Variants in PEX5L observed in about 807,000 individuals in gnomAD.
The protein encoded by PEX5L is peroxisomal biogenesis factor 5 like, also known as PEX5-related protein.
A neutral mutation model predicts 84.0 loss-of-function variants in PEX5L; 30 were observed. The ratio of observed to expected loss-of-function variants is 0.36; its 90% CI spans 0.27 to 0.48. PEX5L has a LOEUF of 0.48. PEX5L is among the 20% of genes least tolerant of loss of function. The probability of loss-of-function intolerance (pLI) is 0.99; values close to 1 mark genes in which losing one functional copy is unlikely to be tolerated. For synonymous variants in PEX5L, 270 were observed against 283.1 expected (o/e 0.95, Z 0.46); for missense variants, 533 against 754.6 (o/e 0.71, Z 3.44).
At chr3:179,877,839 ATAGTAGAGATAG>A (rs1752927559) in intron 5 of PEX5L, among the ~76,000 whole-genome samples, 1 of 152,194 alleles carries the variant, frequency 6.6e-6, no homozygotes, top group African/African-American at 2.4e-5. Context: ...TAGTGAGGAA[ATAGTAGAGATAG>A]TTATAAAATT....
intron 2 of PEX5L, among the ~76,000 whole-genome samples, chr3:179,936,194 T>C (rs1174322436): frequency 6.6e-6 from 1 of 152,078 alleles, no homozygotes; most frequent in African/African-American, 2.4e-5. Flanking sequence ...AGTGGTGGAG[T>C]TGAGCCAAAT....
At chr3:179,927,734 C>T (rs1771867344) in intron 2 of PEX5L, among the ~76,000 whole-genome samples, 1 of 151,818 alleles carries the variant, frequency 6.6e-6, no homozygotes, top group Non-Finnish European at 1.5e-5. Flanking sequence ...CAAAACCTGC[C>T]CTTCACCATC....
At chr3:179,828,022 T>A (rs1412672899) in intron 8 of PEX5L, among the ~76,000 whole-genome samples, 1 of 152,150 alleles carries the variant, frequency 6.6e-6, no homozygotes, top group Non-Finnish European at 1.5e-5. Flanking sequence ...TGACCAAATT[T>A]TTCATTCCCA....
chr3:179,957,340 T>C (rs1461905888), intron 2 of PEX5L, among the ~76,000 whole-genome samples: 1 of 152,070 alleles, frequency 6.6e-6, no homozygotes. Context: ...TAGTCTAGCA[T>C]TAACAGGTAA....
chr3:179,944,791 G>T (rs1042792011), intron 2 of PEX5L, among the ~76,000 whole-genome samples: 1 of 152,166 alleles, frequency 6.6e-6, no homozygotes, highest in South Asian at 2.1e-4. Flanking sequence ...TACATTGAAG[G>T]GTTTCCCCAT....
chr3:179,959,279 T>C (rs1239642686), intron 2 of PEX5L, among the ~76,000 whole-genome samples: 1 of 152,084 alleles, frequency 6.6e-6, no homozygotes, highest in Non-Finnish European at 1.5e-5. Context: ...CCTTGTAACT[T>C]TTTCTGGACT....
intron 2 of PEX5L, among the ~76,000 whole-genome samples, chr3:179,904,550 T>A (rs2109077242): frequency 6.6e-6 from 1 of 152,312 alleles, no homozygotes; most frequent in Non-Finnish European, 1.5e-5. Context: ...AGATTATGAC[T>A]TTCATGGGCC....
At chr3:179,929,852 T>C (rs1772533810) in intron 2 of PEX5L, among the ~76,000 whole-genome samples, 1 of 152,230 alleles carries the variant, frequency 6.6e-6, no homozygotes, top group African/African-American at 2.4e-5. Context: ...TGCGTAGACC[T>C]ATCTTGCTCT....
rs535616913 is a variant in PEX5L at position 179,795,656 on chromosome 3, AT to A, written c.*6171del. ...ACGCAATGTAAACATTTAAACTTAAATTTTTTTCTTGTTATCTATTTCAGCC... is the reference window on the plus strand; with the variant it reads ...ACGCAATGTAAACATTTAAACTTAAATTTTTTCTTGTTATCTATTTCAGCC... On this transcript the variant is annotated 3_prime_UTR_variant, in exon 15 of 15. Coordinates refer to ENST00000467460, the MANE Select transcript of PEX5L (RefSeq NM_016559.3). 1 of 152,064 alleles carries A rather than the reference AT, an allele frequency of 6.6e-6. No individual in the cohort carries two copies. The highest frequency in any genetic ancestry group is 1.5e-5 in the Non-Finnish European group (1 of 68,010). 9.4% of individuals were successfully genotyped at this position (152,064 alleles called of 1,614,324 possible).
chr3:179,826,590 C>T (rs2109045585), intron 8 of PEX5L, among the ~76,000 whole-genome samples: 1 of 152,132 alleles, frequency 6.6e-6, no homozygotes, highest in South Asian at 2.1e-4. Context: ...TTACCATGGG[C>T]ATGAGGAGAT....
At chr3:179,898,579 C>T (rs766990198) in intron 2 of PEX5L, among the ~76,000 whole-genome samples, 7 of 152,014 alleles carry the variant, frequency 4.6e-5, no homozygotes, top group African/African-American at 7.3e-5. Context: ...TTGCCTGCTA[C>T]GTTCATTTAT....
chr3:179,853,599 G>T (rs907980272), intron 8 of PEX5L, among the ~76,000 whole-genome samples: 1 of 152,180 alleles, frequency 6.6e-6, no homozygotes, highest in African/African-American at 2.4e-5. Flanking sequence ...CATTTAGGCT[G>T]CTGGCTATAA....
intron 2 of PEX5L, among the ~76,000 whole-genome samples, chr3:179,949,060 C>T (rs971412940): frequency 3.9e-5 from 6 of 152,180 alleles, no homozygotes; most frequent in East Asian, 3.9e-4. Context: ...AACATGTGGC[C>T]GTATTTGTAG....
chr3:179,847,844 T>A (rs1740193638), intron 8 of PEX5L, among the ~76,000 whole-genome samples: 1 of 152,048 alleles, frequency 6.6e-6, no homozygotes, highest in Admixed American at 6.6e-5. Flanking sequence ...TGGGACTATC[T>A]GTATCACCAT....
chr3:180,006,679 T>C (rs1331167014), intron 1 of PEX5L, among the ~76,000 whole-genome samples: 3 of 152,162 alleles, frequency 2.0e-5, no homozygotes, highest in Non-Finnish European at 4.4e-5. Flanking sequence ...CTCAAAATCA[T>C]GGCAGGAGGT....
At chr3:179,973,121 T>C in intron 1 of PEX5L, 1 of 1,203,704 alleles carries the variant, frequency 8.3e-7, no homozygotes, top group Admixed American at 2.6e-5. Flanking sequence ...TGTAAAACAC[T>C]TAGAAGTGCC....
At chr3:179,957,418 G>A (rs1780860276) in intron 2 of PEX5L, among the ~76,000 whole-genome samples, 1 of 152,178 alleles carries the variant, frequency 6.6e-6, no homozygotes, top group Non-Finnish European at 1.5e-5. Context: ...GGAGCTGGGA[G>A]GGGCAGAGTC....
intron 1 of PEX5L, among the ~76,000 whole-genome samples, chr3:180,006,243 C>T (rs919025755): frequency 9.9e-5 from 15 of 152,226 alleles, no homozygotes; most frequent in Middle Eastern, 3.4e-3. Flanking sequence ...ACCTTATTTC[C>T]ATTCATACCA....
chr3:179,981,571 T>C (rs1186854655), intron 1 of PEX5L, among the ~76,000 whole-genome samples: 2 of 152,134 alleles, frequency 1.3e-5, no homozygotes. Context: ...GCATCTATAT[T>C]TTTCTGTAGT....
Sources: allele counts gnomAD v4.1 joint callset (sites outside exome capture counted in the v4.1 genomes callset), GRCh38; gene constraint gnomAD v4.1.1; transcripts MANE v1.5; gene names NCBI Gene and HGNC (gene_info 2026-07-23, HGNC 2026-07-21).